CMSS1: variants seen among roughly 807,000 people sequenced by gnomAD.
CMSS1 encodes protein CMSS1.
CMSS1 carries 33 observed loss-of-function variants against 43.5 expected under a neutral mutation model. The observed-to-expected ratio is 0.76, with a 90% confidence interval of 0.57 to 1.01. The LOEUF (loss-of-function observed/expected upper bound fraction) is 1.01, where lower values mean the gene tolerates loss of function less well. Ranked by LOEUF, CMSS1 falls within the 50% of genes least tolerant of loss-of-function variation. CMSS1 has a pLI of 0.00. For synonymous variants in CMSS1, 115 were observed against 117.2 expected (o/e 0.98, Z 0.12); for missense variants, 313 against 326.4 (o/e 0.96, Z 0.32).
chr3:100,162,358 AC>A lies in CMSS1; in HGVS notation c.283del (p.Leu95TyrfsTer4). 2 of 1,613,666 alleles carry A rather than the reference AC, an allele frequency of 1.2e-6. No individual in the cohort carries two copies. The highest frequency in any genetic ancestry group is 1.7e-6 in the Non-Finnish European group (2 of 1,179,608). On this transcript the variant is annotated frameshift_variant, in exon 4 of 10. Transcript: ENST00000421999. LOFTEE classifies it high-confidence loss of function. ...KSEPKPGLPE[D>X]LQKLMKDYYS... Reference sequence around the variant, plus strand: ...GAACCAAAACCAGGGTTACCTGAAGACCTACAGAAGCTGATGAAGGACTATT... The same window carrying A: ...GAACCAAAACCAGGGTTACCTGAAGACTACAGAAGCTGATGAAGGACTATT...
At chr3:99,848,728 C>G (rs202089525) in intron 1 of CMSS1, 19 of 1,614,048 alleles carry the variant, frequency 1.2e-5, no homozygotes, top group Non-Finnish European at 1.6e-5. Flanking sequence ...GGTCTGTGCT[C>G]TGGCAAAGGT....
intron 1 of CMSS1, among the ~76,000 whole-genome samples, chr3:100,107,896 G>T: frequency 6.9e-6 from 1 of 144,180 alleles, no homozygotes. Context: ...AAAAAAAAAA[G>T]TTACTTGCTT....
intron 1 of CMSS1, among the ~76,000 whole-genome samples, chr3:99,944,667 A>G (rs996761181): frequency 2.0e-5 from 3 of 152,234 alleles, no homozygotes; most frequent in African/African-American, 7.2e-5. Context: ...CAGGAATTCA[A>G]ACTGGCTTCA....
intron 1 of CMSS1, among the ~76,000 whole-genome samples, chr3:100,116,662 T>A (rs1404687696): frequency 6.6e-6 from 1 of 152,222 alleles, no homozygotes; most frequent in Non-Finnish European, 1.5e-5. Flanking sequence ...CTATTTATAT[T>A]AAAGACTATG....
At chr3:99,848,234 T>C (rs1943458274) in intron 1 of CMSS1, 1 of 1,588,398 alleles carries the variant, frequency 6.3e-7, no homozygotes, top group Non-Finnish European at 8.6e-7. Context: ...TTGAGTTCCT[T>C]GCAAAAATAT....
chr3:100,104,692 G>A (rs764588962), intron 1 of CMSS1, among the ~76,000 whole-genome samples: 7 of 152,064 alleles, frequency 4.6e-5, no homozygotes, highest in Non-Finnish European at 7.4e-5. Context: ...AATTTGACCC[G>A]ATTGCTTTGG....
chr3:100,141,766 CT>C (rs923950433), intron 1 of CMSS1: 233 of 329,200 alleles, frequency 7.1e-4, no homozygotes, highest in Middle Eastern at 9.3e-4. Flanking sequence ...CTGGCAGTGT[CT>C]TTTTTTTTAA....
intron 1 of CMSS1, chr3:99,849,465 A>G: frequency 1.2e-6 from 2 of 1,613,736 alleles, no homozygotes; most frequent in South Asian, 2.2e-5. Context: ...CCTGGAGGTG[A>G]CATATTAGGT....
In CMSS1 at chr3:99,873,883, T is replaced by G. The variant is rs369433418; in HGVS notation, c.64+55840T>G. On this transcript the variant is annotated intron_variant, in intron 1 of 9. Transcript: ENST00000421999. ...AGGTTAATCACCACAAAAGTGCAAATGAACTTACTAAGCATAAAATTATTA... is the reference window on the plus strand; with the variant it reads ...AGGTTAATCACCACAAAAGTGCAAAGGAACTTACTAAGCATAAAATTATTA... 2.6e-5 allele frequency among the ~76,000 whole-genome samples: 4 copies of G among 152,172 alleles called. No homozygotes were observed. In the South Asian group the frequency reaches 8.3e-4, roughly 32 times the overall value.
intron 1 of CMSS1, among the ~76,000 whole-genome samples, chr3:100,053,517 T>C (rs147502125): frequency 6.6e-6 from 1 of 152,334 alleles, no homozygotes; most frequent in South Asian, 2.1e-4. Context: ...GTCACTGGAT[T>C]GGGGCCTACC....
intron 1 of CMSS1, among the ~76,000 whole-genome samples, chr3:100,028,860 G>C (rs2064973544): frequency 6.6e-6 from 1 of 152,098 alleles, no homozygotes; most frequent in Non-Finnish European, 1.5e-5. Context: ...CAATGGTGAT[G>C]TGTTTCAATA....
intron 1 of CMSS1, among the ~76,000 whole-genome samples, chr3:100,079,915 A>G (rs2065905165): frequency 6.6e-6 from 1 of 152,192 alleles, no homozygotes; most frequent in Non-Finnish European, 1.5e-5. Context: ...TAAAGTTTAA[A>G]TAATGCATAT....
At chr3:99,915,185 C>T (rs904357419) in intron 1 of CMSS1, among the ~76,000 whole-genome samples, 1 of 152,088 alleles carries the variant, frequency 6.6e-6, no homozygotes, top group Non-Finnish European at 1.5e-5. Context: ...TCTCCCATGA[C>T]CATGCTAACC....
In CMSS1 at chr3:100,000,926, C is replaced by T. The variant is rs146593766; in HGVS notation, c.65-146047C>T. ...AGCCTGTAGTTGACCTACGGCAAGACACTTGTAAGAGTAGCTCCTTGATTT... is the reference window on the plus strand; with the variant it reads ...AGCCTGTAGTTGACCTACGGCAAGATACTTGTAAGAGTAGCTCCTTGATTT... On this transcript the variant is annotated intron_variant, in intron 1 of 9. Coordinates refer to ENST00000421999, the MANE Select transcript of CMSS1 (RefSeq NM_032359.4). Among the ~76,000 whole-genome samples the T allele has an allele frequency of 4.6e-3, 707 of 152,266 alleles. 2 individuals carry two copies. The highest frequency in any genetic ancestry group is 7.0e-3 in the South Asian group (34 of 4,826).
At position 99,944,785 on chromosome 3, in the gene CMSS1, G is replaced by T. The variant is rs187857372; in HGVS notation, c.64+126742G>T. Among the ~76,000 whole-genome samples the T allele has an allele frequency of 1.0e-3, 157 of 152,270 alleles. 4 individuals are homozygous for T. The highest frequency in any genetic ancestry group is 0.01 in the Admixed American group (157 of 15,302). On this transcript the variant is annotated intron_variant, in intron 1 of 9. Coordinates refer to ENST00000421999, the MANE Select transcript of CMSS1 (RefSeq NM_032359.4). ...GAGACATCTCAGCAATTATGGTGCAGCACTGACTATATCAATAAAATTAAA... is the reference window on the plus strand; with the variant it reads ...GAGACATCTCAGCAATTATGGTGCATCACTGACTATATCAATAAAATTAAA...
rs868040820 is a variant in CMSS1, at chr3:100,117,827, A to G, written c.65-29146A>G. 5.0e-3 allele frequency among the ~76,000 whole-genome samples: 413 copies of G among 81,960 alleles called. 4 individuals are homozygous for G. Among genetic ancestry groups the G allele is most frequent in the African/African-American group, 0.019 (324 of 17,014 alleles). The allele number at this position is 81,960 out of a possible 152,430, so 53.8% of individuals were successfully genotyped here. On this transcript the variant is annotated intron_variant, in intron 1 of 9. Transcript: ENST00000421999. The stretch of plus-strand genomic sequence containing the variant: ...CATCAATGGATAGATAAACTGCAGT[A>G]TATATATATATATATATATATATAT...
chr3:100,068,392 T>G (rs947414116), intron 1 of CMSS1, among the ~76,000 whole-genome samples: 1 of 151,302 alleles, frequency 6.6e-6, no homozygotes, highest in African/African-American at 2.4e-5. Context: ...GTCAGAGAGA[T>G]ATAGTATCTT....
At chr3:100,175,622 G>A (rs145914119) in intron 8 of CMSS1, among the ~76,000 whole-genome samples, 34 of 152,308 alleles carry the variant, frequency 2.2e-4, no homozygotes, top group Non-Finnish European at 3.2e-4. Context: ...AAGCTGAGGG[G>A]AAGTGCCACA....
chr3:100,147,779 C>T (rs546462181), intron 2 of CMSS1, among the ~76,000 whole-genome samples: 1 of 152,304 alleles, frequency 6.6e-6, no homozygotes, highest in African/African-American at 2.4e-5. Flanking sequence ...GACCTTATTT[C>T]TGCCCAGAAT....
Sources: allele counts gnomAD v4.1 joint callset (sites outside exome capture counted in the v4.1 genomes callset), GRCh38; gene constraint gnomAD v4.1.1; transcripts MANE v1.5; gene names NCBI Gene and HGNC (gene_info 2026-07-23, HGNC 2026-07-21).